Variants in TMEM255A observed in about 807,000 individuals in gnomAD.
TMEM255A encodes the protein transmembrane protein 255A.
Under a neutral mutation model 23.5 loss-of-function variants are expected in TMEM255A, and 14 were observed. The observed-to-expected ratio is 0.60, with a 90% CI of 0.39 to 0.93. TMEM255A has a LOEUF of 0.93. Ranked by LOEUF, TMEM255A falls within the 40% of genes least tolerant of loss-of-function variation. The pLI is 0.00. For synonymous variants in TMEM255A, 104 were observed against 100.3 expected (o/e 1.04, Z -0.22); for missense variants, 233 against 261.7 (o/e 0.89, Z 0.76).
chrX:120,270,294 T>TG (rs1556018463), intron 7 of TMEM255A, among the ~76,000 whole-genome samples: 6 of 107,658 alleles, frequency 5.6e-5, no homozygotes, highest in African/African-American at 2.2e-4. Context: ...GGAGTGTGTG[T>TG]TTGTGTGTGT....
downstream of TMEM255A, chrX:120,256,610 A>G (rs11537755): frequency 0.53 from 64,277 of 121,217 alleles, 13,178 homozygotes; most frequent in Non-Finnish European, 0.64. Flanking sequence ...GTCAGTTCCC[A>G]TTTTTCTTGA....
intron 5 of TMEM255A, chrX:120,285,608 C>T: frequency 1.7e-6 from 2 of 1,210,871 alleles, no homozygotes; most frequent in Non-Finnish European, 2.2e-6. Flanking sequence ...CGCATGCACT[C>T]TGAAGTACAA....
chrX:120,282,051 G>A (rs1409993276), intron 6 of TMEM255A, among the ~76,000 whole-genome samples: 1 of 111,257 alleles, frequency 9.0e-6, no homozygotes, highest in Non-Finnish European at 1.9e-5. Flanking sequence ...AAATGGACCG[G>A]AGGAGCTGGC....
downstream of TMEM255A, chrX:120,255,746 A>C: frequency 4.3e-6 from 1 of 230,758 alleles, no homozygotes; most frequent in Non-Finnish European, 8.2e-6. Flanking sequence ...TTTGAAAATA[A>C]CTGGAGTTAT....
chrX:120,282,452 GA>G (rs782711399), intron 6 of TMEM255A, among the ~76,000 whole-genome samples: 4 of 111,824 alleles, frequency 3.6e-5, no homozygotes, highest in African/African-American at 1.3e-4. Flanking sequence ...CTGTTCCCAT[GA>G]CCCCTCTCAG....
intron 2 of TMEM255A, among the ~76,000 whole-genome samples, chrX:120,299,564 C>G (rs2147216036): frequency 9.0e-6 from 1 of 111,661 alleles, no homozygotes; most frequent in South Asian, 3.8e-4. Context: ...ATCTTCCTGC[C>G]TCGGCCTCCC....
intron 4 of TMEM255A, among the ~76,000 whole-genome samples, chrX:120,288,903 T>C (rs187971198): frequency 1.8e-3 from 197 of 112,041 alleles, no homozygotes; most frequent in Non-Finnish European, 3.1e-3. Context: ...TCCAAGCTAG[T>C]TAATGGCTAT....
At chrX:120,304,232 A>C in intron 2 of TMEM255A, 117 bp downstream of exon 2, 1 of 800,733 alleles carries the variant, frequency 1.2e-6, no homozygotes, top group Non-Finnish European at 1.8e-6. Flanking sequence ...CAGAGATACA[A>C]AGGAGGAAAT....
intron 6 of TMEM255A, among the ~76,000 whole-genome samples, chrX:120,279,378 C>T (rs919170109): frequency 1.8e-5 from 2 of 112,120 alleles, no homozygotes; most frequent in Non-Finnish European, 3.8e-5. Flanking sequence ...TACATTGTCT[C>T]CTATTAGCTG....
At chrX:120,285,329 G>T in intron 5 of TMEM255A, 114 bp from the exon 6 acceptor site, 1 of 717,985 alleles carries the variant, frequency 1.4e-6, no homozygotes. Flanking sequence ...GCTTTGAAAT[G>T]AACACCCAAT....
In TMEM255A at chrX:120,311,341, A is replaced by G; in HGVS notation, c.-32T>C. On this transcript the variant is annotated 5_prime_UTR_variant, in exon 1 of 9. Coordinates refer to ENST00000371369, the MANE Select transcript of TMEM255A (RefSeq NM_001104544.3). Reference sequence around the variant, plus strand: ...AACTGCCCGGTTGCCCCAGTCCCCGAAGCTGCTTCAAGCGCCCCCGGCTCT... The same window carrying G: ...AACTGCCCGGTTGCCCCAGTCCCCGGAGCTGCTTCAAGCGCCCCCGGCTCT... The G allele has an allele frequency of 8.9e-7, 1 of 1,127,154 alleles. No individual in the cohort carries two copies. Among genetic ancestry groups the G allele is most frequent in the African/African-American group, 1.8e-5 (1 of 55,479 alleles). 92.9% of individuals were successfully genotyped at this position (1,127,154 alleles called of 1,213,427 possible). A position where few individuals can be genotyped will look rare whatever the true frequency, so the allele number is the denominator to read the frequency against.
At chrX:120,272,539 T>C (rs1556018990) in intron 7 of TMEM255A, among the ~76,000 whole-genome samples, 1 of 110,672 alleles carries the variant, frequency 9.0e-6, no homozygotes, top group African/African-American at 3.3e-5. Context: ...CTGATGATAG[T>C]GAATGAGTTC....
At chrX:120,273,462 T>C (rs1206933742) in intron 7 of TMEM255A, 1 of 164,511 alleles carries the variant, frequency 6.1e-6, no homozygotes, top group Non-Finnish European at 1.2e-5. Context: ...CAGTGAGTGT[T>C]AGTAGATTTG....
At chrX:120,285,487 G>A (rs1270836225) in intron 5 of TMEM255A, 1 of 879,797 alleles carries the variant, frequency 1.1e-6, no homozygotes, top group Non-Finnish European at 1.6e-6. Context: ...AGGACAGATG[G>A]AAGGACAGAC....
In TMEM255A at chrX:120,286,162, C is replaced by A. The variant is rs782618695; in HGVS notation, c.424-947G>T. On this transcript the variant is annotated intron_variant, in intron 5 of 8. Coordinates refer to ENST00000371369, the MANE Select transcript of TMEM255A (RefSeq NM_001104544.3). ...GTCAAGTGGATGGCAGAGACATAAT[C>A]AAAGTATTTGCCATGGTGCCTTTGG... 2.7e-5 allele frequency among the ~76,000 whole-genome samples: 3 copies of A among 112,069 alleles called. No homozygotes were observed. In the South Asian group the frequency reaches 1.1e-3, roughly 42 times the overall value.
downstream of TMEM255A, chrX:120,253,861 T>C (rs1333081721): frequency 2.5e-6 from 3 of 1,209,397 alleles, no homozygotes; most frequent in African/African-American, 5.3e-5. Flanking sequence ...AACCTTGTAA[T>C]ACAGAAATCA....
downstream of TMEM255A, chrX:120,256,788 ATTTT>A (rs782587377): frequency 9.5e-6 from 1 of 105,337 alleles, no homozygotes; most frequent in African/African-American, 3.6e-5. Context: ...TCTGTAAATG[ATTTT>A]TTTTTTTTTT....
intron 7 of TMEM255A, among the ~76,000 whole-genome samples, chrX:120,272,553 C>T (rs1051834207): frequency 1.0e-4 from 11 of 110,421 alleles, no homozygotes; most frequent in Non-Finnish European, 1.5e-4. Context: ...TGAGTTCTCA[C>T]GAGATCTGAT....
intron 7 of TMEM255A, among the ~76,000 whole-genome samples, chrX:120,269,770 C>G (rs781883747): frequency 1.8e-5 from 2 of 111,694 alleles, no homozygotes; most frequent in Non-Finnish European, 3.8e-5. Flanking sequence ...CAGAAATGCC[C>G]TTACCTCTCC....
Sources: gnomAD v4.1 joint callset for allele counts (sites outside exome capture counted in the v4.1 genomes callset) on GRCh38, gnomAD v4.1.1 for gene constraint, MANE v1.5 for transcripts, NCBI Gene and HGNC (gene_info 2026-07-23, HGNC 2026-07-21) for gene names.